The following CHRDL1 variants were observed in gnomAD, a reference collection of about 807,000 sequenced individuals.
CHRDL1 encodes chordin-like protein 1.
CHRDL1 carries 19 observed loss-of-function variants against 40.9 expected under a neutral mutation model. The ratio of observed to expected loss-of-function variants is 0.46; its 90% CI spans 0.32 to 0.68. The LOEUF is 0.68. Ranked by LOEUF, CHRDL1 falls within the 30% of genes least tolerant of loss-of-function variation. The probability of loss-of-function intolerance (pLI) is 0.03; values close to 1 mark genes in which losing one functional copy is unlikely to be tolerated. For missense variants in CHRDL1, 329 were observed against 352.1 expected, an observed-to-expected ratio of 0.93 and a Z score of 0.53; for synonymous variants, 136 against 123.4, an observed-to-expected ratio of 1.10 and a Z score of -0.68.
At chrX:110,705,998 A>T (rs1335406375) in intron 6 of CHRDL1, among the ~76,000 whole-genome samples, 2 of 110,994 alleles carry the variant, frequency 1.8e-5, no homozygotes, top group Non-Finnish European at 3.8e-5. Context: ...AATTTAACCC[A>T]TAATTAAACT....
At chrX:110,762,233 C>G (rs1382642631) in intron 3 of CHRDL1, among the ~76,000 whole-genome samples, 1 of 111,894 alleles carries the variant, frequency 8.9e-6, no homozygotes, top group Non-Finnish European at 1.9e-5. Context: ...CAAGAGAGGA[C>G]AGAAGACAGA....
chrX:110,786,596 A>G, intron 2 of CHRDL1, among the ~76,000 whole-genome samples: 2 of 112,211 alleles, frequency 1.8e-5, no homozygotes, highest in Middle Eastern at 9.2e-3. Context: ...CCAATACCAC[A>G]CGGCAAACAA....
intron 7 of CHRDL1, among the ~76,000 whole-genome samples, chrX:110,694,778 G>A (rs2070352212): frequency 8.9e-6 from 1 of 112,169 alleles, no homozygotes; most frequent in South Asian, 3.7e-4. Context: ...GTTGGGGAGG[G>A]CTTGTGACCT....
At chrX:110,787,416 GA>G (rs2090034136) in intron 2 of CHRDL1, among the ~76,000 whole-genome samples, 1 of 111,732 alleles carries the variant, frequency 8.9e-6, no homozygotes, top group Non-Finnish European at 1.9e-5. Context: ...AAACAATTAA[GA>G]ATATACTTTG....
chrX:110,738,813 C>G lies in CHRDL1; in HGVS notation c.302-17283G>C, dbSNP rs73528232. Among the ~76,000 whole-genome samples the G allele has an allele frequency of 3.5e-3, 392 of 110,789 alleles. 2 individuals are homozygous for G. The highest frequency in any genetic ancestry group is 0.012 in the African/African-American group (370 of 30,447). ...TTCTATGTGAGTGTGTTAAAGGACT[C>G]TGAATGCCCTGGTAGCCAGGCCAAA... On this transcript the variant is annotated intron_variant, in intron 4 of 11. Coordinates refer to ENST00000372042, the MANE Select transcript of CHRDL1 (RefSeq NM_001143981.2).
chrX:110,760,158 C>T (rs1239582560), intron 3 of CHRDL1, among the ~76,000 whole-genome samples: 1 of 112,338 alleles, frequency 8.9e-6, no homozygotes, highest in African/African-American at 3.2e-5. Context: ...AGCTGCTACC[C>T]AGCCCTGGGC....
chrX:110,777,175 A>G (rs995359568), intron 2 of CHRDL1, among the ~76,000 whole-genome samples: 14 of 111,188 alleles, frequency 1.3e-4, no homozygotes, highest in African/African-American at 4.6e-4. Context: ...ATGGCTTGAT[A>G]GCTCATTTCT....
At chrX:110,758,906 C>A (rs756100416) in intron 4 of CHRDL1, among the ~76,000 whole-genome samples, 23 of 112,071 alleles carry the variant, frequency 2.1e-4, no homozygotes, top group African/African-American at 6.8e-4. Flanking sequence ...AAGGCTTCTA[C>A]TTCACAAAGC....
At chrX:110,691,926 T>C (rs2070287288) in intron 8 of CHRDL1, among the ~76,000 whole-genome samples, 1 of 95,158 alleles carries the variant, frequency 1.1e-5, no homozygotes, top group African/African-American at 4.4e-5. Flanking sequence ...CCCTTACCTC[T>C]TTTTTTTTTT....
rs1454140985 is a variant in CHRDL1 at position 110,694,206 on chromosome X, G to A, written c.735C>T (p.Thr245=). 7.4e-6 allele frequency: 9 copies of A among 1,209,963 alleles called. No individual in the cohort carries two copies. Among genetic ancestry groups the A allele is most frequent in the Middle Eastern group, 2.3e-4 (1 of 4,350 alleles). The change falls in exon 8 of 12, where the codon ACC becomes ACT. Residue 245 remains threonine, a synonymous_variant. Transcript: ENST00000372042. Reference sequence around the variant, plus strand: ...TGTTATTGATGACAATTTGCACAATGGTTCCTGATGCTTGCTGGGAATCCA... The same window carrying A: ...TGTTATTGATGACAATTTGCACAATAGTTCCTGATGCTTGCTGGGAATCCA... ...ALMDSQQASG[T]IVQIVINNKH...
At chrX:110,739,047 C>T (rs776448932) in intron 4 of CHRDL1, among the ~76,000 whole-genome samples, 8 of 111,801 alleles carry the variant, frequency 7.2e-5, no homozygotes, top group Non-Finnish European at 1.3e-4. Context: ...ACATATCTGT[C>T]CAGAGGCCAT....
intron 7 of CHRDL1, among the ~76,000 whole-genome samples, chrX:110,699,253 T>C (rs775985355): frequency 9.9e-5 from 11 of 111,510 alleles, no homozygotes; most frequent in Non-Finnish European, 1.9e-4. Flanking sequence ...TTGGGTTGGG[T>C]GTTGGCAAGC....
chrX:110,717,652 C>T (rs191475187), intron 6 of CHRDL1, among the ~76,000 whole-genome samples: 69 of 112,111 alleles, frequency 6.2e-4, no homozygotes, highest in African/African-American at 2.2e-3. Context: ...GTACTCCTCA[C>T]ATAGGGTTGT....
chrX:110,760,347 T>C (rs1333595294), intron 3 of CHRDL1, among the ~76,000 whole-genome samples: 1 of 112,435 alleles, frequency 8.9e-6, no homozygotes, highest in Non-Finnish European at 1.9e-5. Context: ...CTGCCTGATT[T>C]ACAATTACAA....
intron 2 of CHRDL1, among the ~76,000 whole-genome samples, chrX:110,766,535 A>T (rs974355311): frequency 1.8e-5 from 2 of 111,686 alleles, no homozygotes; most frequent in African/African-American, 6.5e-5. Context: ...TGAAATACGA[A>T]AGATCATTCA....
intron 2 of CHRDL1, among the ~76,000 whole-genome samples, chrX:110,773,718 T>A (rs1301660772): frequency 6.9e-4 from 59 of 85,956 alleles, no homozygotes; most frequent in African/African-American, 2.4e-3. Context: ...ACAGTGAGAC[T>A]GCCTCAAAAA....
At chrX:110,705,175 C>A (rs761293621) in intron 6 of CHRDL1, among the ~76,000 whole-genome samples, 1 of 106,146 alleles carries the variant, frequency 9.4e-6, no homozygotes, top group South Asian at 4.2e-4. Flanking sequence ...AATACTAATA[C>A]CCTGTAACAC....
At chrX:110,693,595 T>G (rs1471664651) in intron 8 of CHRDL1, among the ~76,000 whole-genome samples, 3 of 110,853 alleles carry the variant, frequency 2.7e-5, no homozygotes, top group African/African-American at 9.8e-5. Flanking sequence ...CCTCGAGTGA[T>G]CCTCCTGCCT....
chrX:110,687,325 A>T (rs923457468), intron 9 of CHRDL1, among the ~76,000 whole-genome samples: 4 of 111,341 alleles, frequency 3.6e-5, no homozygotes, highest in Non-Finnish European at 7.5e-5. Context: ...AAAATGCCAC[A>T]GCCCAGGCCA....
Sources: allele counts gnomAD v4.1 joint callset (sites outside exome capture counted in the v4.1 genomes callset), GRCh38; gene constraint gnomAD v4.1.1; transcripts MANE v1.5; gene names NCBI Gene and HGNC (gene_info 2026-07-23, HGNC 2026-07-21).